USH2A: variants seen among roughly 807,000 people sequenced by gnomAD.
The protein encoded by USH2A is usherin.
USH2A carries 443 observed loss-of-function variants against 538.9 expected under a neutral mutation model. That is an observed-to-expected ratio of 0.82 (90% CI 0.76 to 0.89). USH2A has a LOEUF of 0.89. Ranked by LOEUF, USH2A falls within the 40% of genes least tolerant of loss-of-function variation. The probability of loss-of-function intolerance (pLI) is 0.00; values close to 1 mark genes in which losing one functional copy is unlikely to be tolerated. For synonymous variants in USH2A, 2,413 were observed against 2,273.5 expected, an observed-to-expected ratio of 1.06 and a Z score of -1.75; for missense variants, 6,633 against 6,324.8, an observed-to-expected ratio of 1.05 and a Z score of -1.65.
At chr1:216,381,563 A>C (rs2038923454) in intron 3 of USH2A, among the ~76,000 whole-genome samples, 1 of 152,190 alleles carries the variant, frequency 6.6e-6, no homozygotes, top group Non-Finnish European at 1.5e-5. Context: ...GCAATATACA[A>C]AGCAAAAGTA....
intron 42 of USH2A, among the ~76,000 whole-genome samples, 153 bp downstream of exon 42, chr1:215,878,611 A>G (rs1201099684): frequency 6.6e-6 from 1 of 152,192 alleles, no homozygotes; most frequent in African/African-American, 2.4e-5. Flanking sequence ...GTTGAAGTGT[A>G]CAGTATGATA....
intron 11 of USH2A, among the ~76,000 whole-genome samples, chr1:216,251,442 CTTTTTTT>C (rs779947689): frequency 3.7e-5 from 3 of 80,386 alleles, no homozygotes; most frequent in Non-Finnish European, 4.6e-5. Flanking sequence ...ACCACTTCCC[CTTTTTTT>C]TTTTTTTTTT....
At chr1:215,775,041 G>T (rs1307342815) in intron 55 of USH2A, among the ~76,000 whole-genome samples, 2 of 151,888 alleles carry the variant, frequency 1.3e-5, no homozygotes, top group East Asian at 3.9e-4. Context: ...CATAGTAACT[G>T]GGGGGAATGC....
chr1:216,077,164 G>A (rs2031780158), intron 27 of USH2A, among the ~76,000 whole-genome samples: 1 of 152,066 alleles, frequency 6.6e-6, no homozygotes, highest in South Asian at 2.1e-4. Context: ...TCTCATGTAA[G>A]CTCTCAGAAC....
At chr1:216,384,060 T>G (rs917604549) in intron 3 of USH2A, among the ~76,000 whole-genome samples, 49 of 151,782 alleles carry the variant, frequency 3.2e-4, no homozygotes, top group African/African-American at 1.1e-3. Flanking sequence ...CAAATTTTAT[T>G]CTTTAATATT....
intron 11 of USH2A, among the ~76,000 whole-genome samples, chr1:216,265,435 A>C (rs1225219841): frequency 2.0e-5 from 3 of 152,006 alleles, no homozygotes; most frequent in Non-Finnish European, 4.4e-5. Context: ...AAAAAGTATG[A>C]AGGTCACTTA....
intron 63 of USH2A, among the ~76,000 whole-genome samples, chr1:215,672,665 TG>T (rs1041352525): frequency 5.3e-5 from 8 of 152,168 alleles, no homozygotes; most frequent in Non-Finnish European, 1.2e-4. Flanking sequence ...ACTGACCAGC[TG>T]GGGGTGCTGA....
intron 40 of USH2A, among the ~76,000 whole-genome samples, chr1:215,891,834 G>A (rs536692603): frequency 6.6e-6 from 1 of 152,190 alleles, no homozygotes; most frequent in African/African-American, 2.4e-5. Flanking sequence ...TCAGCTGGCC[G>A]GTGATGAAAA....
At chr1:216,059,078 C>A (rs1011184639) in intron 30 of USH2A, among the ~76,000 whole-genome samples, 28 of 152,184 alleles carry the variant, frequency 1.8e-4, no homozygotes, top group African/African-American at 6.0e-4. Flanking sequence ...CATTTCTCTG[C>A]AGACTTCTCA....
At chr1:216,250,264 G>A (rs908136429) in intron 12 of USH2A, among the ~76,000 whole-genome samples, 3 of 152,000 alleles carry the variant, frequency 2.0e-5, no homozygotes, top group East Asian at 1.9e-4. Flanking sequence ...AAAAAAGCAC[G>A]TCTTGTATAA....
At chr1:215,927,699 AC>A (rs1666268670) in intron 38 of USH2A, among the ~76,000 whole-genome samples, 1 of 152,056 alleles carries the variant, frequency 6.6e-6, no homozygotes, top group African/African-American at 2.4e-5. Flanking sequence ...GATCAATCAT[AC>A]CTGAAACCTT....
At position 216,374,104 on chromosome 1, in the gene USH2A, G is replaced by A. The variant is rs531778968; in HGVS notation, c.652-9019C>T. On this transcript the variant is annotated intron_variant, in intron 3 of 71. Coordinates refer to ENST00000307340, the MANE Select transcript of USH2A (RefSeq NM_206933.4). ...AACATCACACACTGGGGACTTTTGT[G>A]GGGTGGGGGGAGGGGGGAGGGATAG... is the stretch of plus-strand genomic sequence containing the variant. 4.2e-5 allele frequency among the ~76,000 whole-genome samples: 5 copies of A among 120,252 alleles called. No homozygotes were observed. In the East Asian group the frequency reaches 1.5e-3, roughly 37 times the overall value. The allele number at this position is 120,252 out of a possible 152,430, so 78.9% of individuals were successfully genotyped here.
intron 21 of USH2A, among the ~76,000 whole-genome samples, chr1:216,120,473 G>A (rs534395620): frequency 7.9e-5 from 12 of 151,706 alleles, no homozygotes; most frequent in African/African-American, 2.2e-4. Flanking sequence ...TCCGCCTCCC[G>A]GGTTCACGCC....
chr1:216,052,871 G>T (rs1479610198), intron 30 of USH2A, among the ~76,000 whole-genome samples: 1 of 152,190 alleles, frequency 6.6e-6, no homozygotes, highest in East Asian at 1.9e-4. Context: ...CCAAGACTAT[G>T]TAGATTGTGG....
rs2034951427 is a variant in USH2A, at chr1:216,200,123, T to C, written c.3317-2A>G. 2 of 1,602,640 alleles carry C rather than the reference T, an allele frequency of 1.2e-6. No homozygotes were observed. Among genetic ancestry groups the C allele is most frequent in the Non-Finnish European group, 1.7e-6 (2 of 1,176,478 alleles). On this transcript the variant is annotated splice_acceptor_variant, in intron 16 of 71. Transcript: ENST00000307340. LOFTEE classifies it high-confidence loss of function. ...CTGTGTCTAAGAAGTATTGAATACC[T>C]GAAATGAAAAGAAAAAAAAAAAACA... is the stretch of plus-strand genomic sequence containing the variant.
chr1:215,759,501 G>A (rs1660915765), intron 57 of USH2A, among the ~76,000 whole-genome samples, 159 bp downstream of exon 57: 1 of 152,058 alleles, frequency 6.6e-6, no homozygotes, highest in African/African-American at 2.4e-5. Context: ...GAAGTCTAAA[G>A]ACTGAATGAT....
At chr1:215,952,764 G>C (rs919259924) in intron 37 of USH2A, among the ~76,000 whole-genome samples, 1 of 152,134 alleles carries the variant, frequency 6.6e-6, no homozygotes, top group Non-Finnish European at 1.5e-5. Flanking sequence ...TAGTCTGATG[G>C]GCTTCCCTTT....
rs79284828 is a variant in USH2A, at chr1:216,398,388, C to G, written c.651+20126G>C. Among the ~76,000 whole-genome samples, 1,350 of 152,218 alleles carry G rather than the reference C, an allele frequency of 8.9e-3. 22 individuals are homozygous for G. The highest frequency in any genetic ancestry group is 0.031 in the African/African-American group (1,268 of 41,532). On this transcript the variant is annotated intron_variant, in intron 3 of 71. Transcript: ENST00000307340. The stretch of plus-strand genomic sequence containing the variant: ...TATCCAGAAACATCTAACGTAGAAC[C>G]ACCAACAGGCACAGACAAAATAAGC...
chr1:216,185,299 TG>T (rs2034576609), intron 20 of USH2A, among the ~76,000 whole-genome samples: 2 of 151,914 alleles, frequency 1.3e-5, no homozygotes, highest in Admixed American at 1.3e-4. Flanking sequence ...CTGGATGAAA[TG>T]TACCCATTCT....
Sources: gnomAD v4.1 joint callset for allele counts (sites outside exome capture counted in the v4.1 genomes callset) on GRCh38, gnomAD v4.1.1 for gene constraint, MANE v1.5 for transcripts, NCBI Gene and HGNC (gene_info 2026-07-23, HGNC 2026-07-21) for gene names.